Variants in FBXL13 observed in about 807,000 individuals in gnomAD.
The protein encoded by FBXL13 is F-box and leucine-rich repeat protein 13.
Under a neutral mutation model 83.6 loss-of-function variants are expected in FBXL13, and 67 were observed. The observed-to-expected ratio is 0.80, with a 90% CI of 0.66 to 0.98. The LOEUF is 0.98. FBXL13 is among the 50% of genes least tolerant of loss of function. The pLI, the probability that FBXL13 is intolerant of heterozygous loss-of-function variation, is 0.00. For synonymous variants in FBXL13, 272 were observed against 299.5 expected, an observed-to-expected ratio of 0.91 and a Z score of 0.95; for missense variants, 822 against 866.5, an observed-to-expected ratio of 0.95 and a Z score of 0.64.
At chr7:102,951,575 A>C (rs1010553891) in intron 8 of FBXL13, among the ~76,000 whole-genome samples, 7 of 151,872 alleles carry the variant, frequency 4.6e-5, no homozygotes, top group African/African-American at 1.7e-4. Flanking sequence ...TGGGAGGCTG[A>C]GGCAGGAGGA....
intron 6 of FBXL13, among the ~76,000 whole-genome samples, chr7:102,995,277 C>G (rs946979243): frequency 6.8e-6 from 1 of 147,800 alleles, no homozygotes; most frequent in South Asian, 2.2e-4. Context: ...GTCAGGAGAT[C>G]GAGACCATTA....
Position 102,934,204 on chromosome 7 carries a change from G to A in FBXL13, c.725-2271C>T, listed in dbSNP as rs35321082. 7.3e-3 allele frequency: 11,792 copies of A among 1,614,214 alleles called. 222 individuals are homozygous for A. Among genetic ancestry groups the A allele is most frequent in the East Asian group, 0.068 (3,059 of 44,886 alleles). ...CAAGAAACAAGATCCGCACATTGAA[G>A]AACAACATGTTTTCCAAGTTTAAAA... On this transcript the variant is annotated intron_variant, in intron 8 of 19. Coordinates refer to ENST00000313221, the Ensembl canonical transcript of FBXL13.
intron 17 of FBXL13, among the ~76,000 whole-genome samples, chr7:102,836,929 A>G (rs960348653): frequency 6.6e-6 from 1 of 152,238 alleles, no homozygotes; most frequent in Non-Finnish European, 1.5e-5. Context: ...ATTAGGTCCC[A>G]ATTAATTCTA....
intron 6 of FBXL13, among the ~76,000 whole-genome samples, chr7:102,980,502 G>T (rs1292823001): frequency 6.6e-6 from 1 of 152,228 alleles, no homozygotes; most frequent in African/African-American, 2.4e-5. Context: ...AACCAGCCGG[G>T]TGCGGTGGCT....
At chr7:103,003,052 T>C (rs1235580665) in intron 6 of FBXL13, among the ~76,000 whole-genome samples, 1 of 152,076 alleles carries the variant, frequency 6.6e-6, no homozygotes, top group Non-Finnish European at 1.5e-5. Context: ...TCTTTAGAGG[T>C]TATTCTCTAT....
intron 8 of FBXL13, among the ~76,000 whole-genome samples, chr7:102,943,444 C>A (rs1403777132): frequency 6.6e-6 from 1 of 151,736 alleles, no homozygotes; most frequent in African/African-American, 2.4e-5. Context: ...ATATATTTCA[C>A]AATTTTGCAT....
rs544481855 is a variant in FBXL13, at chr7:103,029,685, T to C, written c.1-267A>G. ...ACTTAGTTTGAAGAGTTAAGCATCA[T>C]GGCATTGTTATGATAAGCTATATTT... On this transcript the variant is annotated intron_variant, in intron 2 of 19. Transcript: ENST00000313221. Among the ~76,000 whole-genome samples, 5 of 152,290 alleles carry C rather than the reference T, an allele frequency of 3.3e-5. No homozygotes were observed. The East Asian group carries it at 5.8e-4, about 18-fold the overall frequency.
At chr7:102,852,997 A>C (rs1805494333) in intron 17 of FBXL13, among the ~76,000 whole-genome samples, 3 of 152,226 alleles carry the variant, frequency 2.0e-5, no homozygotes, top group Admixed American at 2.0e-4. Flanking sequence ...CTATTCAGCC[A>C]TAAAAATGAA....
At chr7:102,827,751 C>T (rs981595597) in intron 18 of FBXL13, among the ~76,000 whole-genome samples, 1 of 152,012 alleles carries the variant, frequency 6.6e-6, no homozygotes, top group Non-Finnish European at 1.5e-5. Context: ...TGTTCAATTC[C>T]CACCTATGAG....
At chr7:102,894,576 G>T (rs1055586689) in intron 11 of FBXL13, among the ~76,000 whole-genome samples, 1 of 151,770 alleles carries the variant, frequency 6.6e-6, no homozygotes, top group Admixed American at 6.6e-5. Context: ...AATTTGAAAA[G>T]AATTAACCAG....
intron 2 of FBXL13, among the ~76,000 whole-genome samples, chr7:103,032,269 C>T (rs781465328): frequency 2.0e-4 from 30 of 152,252 alleles, no homozygotes; most frequent in African/African-American, 6.0e-4. Flanking sequence ...ATAAAATAAA[C>T]ACCTAATACC....
chr7:102,858,513 T>A (rs752588054), intron 16 of FBXL13, among the ~76,000 whole-genome samples: 18 of 152,064 alleles, frequency 1.2e-4, no homozygotes, highest in Non-Finnish European at 2.4e-4. Context: ...TCATTACACA[T>A]AAGGAAATAA....
chr7:103,050,870 G>T (rs1292316986), intron 2 of FBXL13, among the ~76,000 whole-genome samples: 11 of 152,192 alleles, frequency 7.2e-5, no homozygotes, highest in Non-Finnish European at 1.6e-4. Context: ...GTACAAGACA[G>T]ATTAATCAAA....
At chr7:102,934,808 C>A in intron 8 of FBXL13, 2 of 908,030 alleles carry the variant, frequency 2.2e-6, no homozygotes, top group Non-Finnish European at 3.3e-6. Context: ...AGAAATCCTT[C>A]CCTATTGACA....
At chr7:103,025,919 G>A (rs373874380) in intron 5 of FBXL13, among the ~76,000 whole-genome samples, 4 of 151,528 alleles carry the variant, frequency 2.6e-5, no homozygotes, top group African/African-American at 9.7e-5. Flanking sequence ...AGTGAATGTA[G>A]AATGATTGTT....
At chr7:102,989,568 C>T (rs917688385) in intron 6 of FBXL13, among the ~76,000 whole-genome samples, 3 of 152,178 alleles carry the variant, frequency 2.0e-5, no homozygotes, top group Admixed American at 1.3e-4. Context: ...CCTGCCTTGA[C>T]CTGAATGCAA....
At chr7:103,028,863 G>T in intron 3 of FBXL13, 115 bp from the exon 5 acceptor site, 1 of 829,394 alleles carries the variant, frequency 1.2e-6, no homozygotes, top group Non-Finnish European at 1.7e-6. Context: ...AAAAACCACA[G>T]CATAGAAAGA....
chr7:102,978,634 AC>A, intron 6 of FBXL13: 1 of 209,326 alleles, frequency 4.8e-6, no homozygotes, highest in Non-Finnish European at 9.8e-6. Flanking sequence ...GCCTGCCTGC[AC>A]CCAGGTACTC....
intron 6 of FBXL13, chr7:102,976,126 C>T (rs1372826266): frequency 1.2e-5 from 9 of 766,352 alleles, no homozygotes; most frequent in African/African-American, 3.4e-5. Context: ...CCCTCCTACT[C>T]GGATCTCGTC....
Sources: gnomAD v4.1 joint callset for allele counts (sites outside exome capture counted in the v4.1 genomes callset) on GRCh38, gnomAD v4.1.1 for gene constraint, MANE v1.5 for transcripts, NCBI Gene and HGNC (gene_info 2026-07-23, HGNC 2026-07-21) for gene names.